Variants in RIC1 observed in about 807,000 individuals in gnomAD.
The protein encoded by RIC1 is guanine nucleotide exchange factor subunit RIC1.
A neutral mutation model predicts 169.0 loss-of-function variants in RIC1; 88 were observed. That is an observed-to-expected ratio of 0.52 (90% confidence interval 0.44 to 0.62). The LOEUF is 0.62. Ranked by LOEUF, RIC1 falls within the 20% of genes least tolerant of loss-of-function variation. RIC1 has a pLI of 0.00. For missense variants in RIC1, 1,877 were observed against 1,725.5 expected (o/e 1.09, Z -1.56); for synonymous variants, 790 against 601.5 (o/e 1.31, Z -4.59).
intron 2 of RIC1, among the ~76,000 whole-genome samples, chr9:5,687,760 T>A (rs2130694747): frequency 6.6e-6 from 1 of 152,344 alleles, no homozygotes; most frequent in South Asian, 2.1e-4. Flanking sequence ...TGTTATCTTT[T>A]AAAGAAATTT....
intron 1 of RIC1, among the ~76,000 whole-genome samples, chr9:5,652,062 A>G (rs550029881): frequency 3.3e-5 from 5 of 152,078 alleles, no homozygotes; most frequent in East Asian, 1.9e-4. Context: ...ATTTTGTTCC[A>G]TTGTTTTATT....
chr9:5,698,353 C>T (rs1822026450), intron 3 of RIC1, among the ~76,000 whole-genome samples: 1 of 152,200 alleles, frequency 6.6e-6, no homozygotes, highest in African/African-American at 2.4e-5. Flanking sequence ...TTACTCCCCG[C>T]TCAGTGTCCT....
chr9:5,763,444 A>G lies in RIC1; in HGVS notation c.2417A>G (p.Asn806Ser). ...TATGATTCTTTATATACTCGGAACA[A>G]TGCTAGAGAACAGCTGGAGGTGCTC... is the stretch of plus-strand genomic sequence containing the variant. ...LLYDSLYTRNNAREQLEVLFP... is the reference protein window; with the variant it reads ...LLYDSLYTRNSAREQLEVLFP... The change falls in exon 19 of 26, where the codon AAT (asparagine) becomes AGT (serine). Residue 806 changes from asparagine to serine, a missense_variant. Coordinates refer to ENST00000414202, the MANE Select transcript of RIC1 (RefSeq NM_020829.4). The surrounding 1 kb of genome is among the most constrained non-coding windows in gnomAD (Gnocchi z 5.2). The G allele has an allele frequency of 6.2e-7, 1 of 1,614,190 alleles. No homozygotes were observed. Among genetic ancestry groups the G allele is most frequent in the Non-Finnish European group, 8.5e-7 (1 of 1,180,028 alleles).
rs903675088 is a variant in RIC1 at position 5,776,269 on chromosome 9, T to C, written c.*2023T>C. ...AAGTTTGGCAGGTTTACAGAAAATT[T>C]GGTAATTTATTTGTTATATACCTTA... On this transcript the variant is annotated 3_prime_UTR_variant, in exon 26 of 26. Transcript: ENST00000414202. 1.3e-5 allele frequency: 2 copies of C among 152,182 alleles called. No individual in the cohort carries two copies. Among genetic ancestry groups the C allele is most frequent in the Non-Finnish European group, 2.9e-5 (2 of 67,998 alleles). 9.4% of individuals were successfully genotyped at this position (152,182 alleles called of 1,614,324 possible).
chr9:5,656,552 A>T, intron 1 of RIC1, 31 bp from the exon 2 acceptor site: 1 of 1,106,996 alleles, frequency 9.0e-7, no homozygotes, highest in Non-Finnish European at 1.3e-6. Context: ...TTGATAAAAA[A>T]TACAACTTTT....
intron 12 of RIC1, 36 bp from the exon 13 acceptor site, chr9:5,753,164 A>G (rs778410791): frequency 2.5e-6 from 4 of 1,570,006 alleles, no homozygotes; most frequent in Middle Eastern, 1.7e-4. Context: ...AATATATTTC[A>G]TAAGTTTTAC....
chr9:5,638,628 T>C (rs934806929), intron 1 of RIC1, among the ~76,000 whole-genome samples: 10 of 152,234 alleles, frequency 6.6e-5, no homozygotes, highest in African/African-American at 1.9e-4. Context: ...TGGCATATAG[T>C]TGCTCATAGT....
At chr9:5,733,967 C>A (rs961213436) in intron 7 of RIC1, among the ~76,000 whole-genome samples, 1 of 148,808 alleles carries the variant, frequency 6.7e-6, no homozygotes, top group Non-Finnish European at 1.5e-5. Flanking sequence ...CTAGAATTTT[C>A]TTATTGTGGA....
chr9:5,743,695 G>T lies in RIC1; in HGVS notation c.1053G>T (p.Arg351Ser). Residue 351 changes from arginine to serine, a missense_variant, in exon 10 of 26, where the codon AGG becomes AGT. By Grantham distance (110) the Arg-to-Ser change is moderately radical (BLOSUM62 -1). Coordinates refer to ENST00000414202, the MANE Select transcript of RIC1 (RefSeq NM_020829.4). ...AGTTTCTGTTCTGTTTCAGTTATAG[G>T]TCTGATGGCACCAAAAAAGATCCCC... ...ICTLGGDFAY[R>S]SDGTKKDPLK... is the part of the protein sequence containing the mutation. 6.2e-7 allele frequency: 1 copy of T among 1,607,554 alleles called. No individual in the cohort carries two copies. The highest frequency in any genetic ancestry group is 8.5e-7 in the Non-Finnish European group (1 of 1,174,844).
intron 6 of RIC1, among the ~76,000 whole-genome samples, chr9:5,731,265 T>C (rs1824356002): frequency 6.6e-6 from 1 of 152,086 alleles, no homozygotes; most frequent in South Asian, 2.1e-4. Context: ...AAATACTTAT[T>C]GTAGGACTGA....
Position 5,753,222 on chromosome 9 carries a change from G to T in RIC1, c.1475G>T (p.Ser492Ile). 6.2e-7 allele frequency: 1 copy of T among 1,613,602 alleles called. No individual in the cohort carries two copies. Among genetic ancestry groups the T allele is most frequent in the Non-Finnish European group, 8.5e-7 (1 of 1,179,580 alleles). Reference protein sequence around the residue: ...VVQISSTYLESNWPIRFSAID... With the variant: ...VVQISSTYLEINWPIRFSAID... The stretch of plus-strand genomic sequence containing the variant: ...TAGATTTCCAGCACCTATCTAGAGA[G>T]CAATTGGCCTATACGGGTGAGTTGT... Residue 492 changes from serine (S) to isoleucine (I), a missense_variant, in exon 13 of 26, where the codon AGC becomes ATC. Coordinates refer to ENST00000414202, the MANE Select transcript of RIC1 (RefSeq NM_020829.4).
rs1043661792 is a variant in RIC1 at position 5,776,268 on chromosome 9, T to G, written c.*2022T>G. On this transcript the variant is annotated 3_prime_UTR_variant, in exon 26 of 26. Coordinates refer to ENST00000414202, the MANE Select transcript of RIC1 (RefSeq NM_020829.4). ...GAAGTTTGGCAGGTTTACAGAAAAT[T>G]TGGTAATTTATTTGTTATATACCTT... The G allele has an allele frequency of 3.9e-5, 6 of 152,140 alleles. No homozygotes were observed. Among genetic ancestry groups the G allele is most frequent in the Non-Finnish European group, 7.4e-5 (5 of 67,976 alleles). 9.4% of individuals were successfully genotyped at this position (152,140 alleles called of 1,614,324 possible).
chr9:5,664,954 C>CT (rs1340617074), intron 2 of RIC1, among the ~76,000 whole-genome samples: 1 of 152,188 alleles, frequency 6.6e-6, no homozygotes, highest in East Asian at 1.9e-4. Flanking sequence ...TTTCTGAGCT[C>CT]TAACAGGTCG....
intron 2 of RIC1, among the ~76,000 whole-genome samples, chr9:5,659,735 A>G (rs956354201): frequency 6.6e-6 from 1 of 152,162 alleles, no homozygotes; most frequent in African/African-American, 2.4e-5. Context: ...CTGCTTCATT[A>G]AATTTATTTT....
At chr9:5,720,486 G>A (rs1823519292) in intron 5 of RIC1, 128 bp from the exon 6 acceptor site, 2 of 1,174,252 alleles carry the variant, frequency 1.7e-6, no homozygotes, top group Admixed American at 4.9e-5. Flanking sequence ...GGAAAGGACA[G>A]TTTAATTATT....
At chr9:5,727,600 C>A (rs1297263222) in intron 6 of RIC1, among the ~76,000 whole-genome samples, 1 of 152,186 alleles carries the variant, frequency 6.6e-6, no homozygotes, top group Non-Finnish European at 1.5e-5. Context: ...GAGCTGCGTT[C>A]CTTTGGAGGT....
rs1398769324 is a variant in RIC1 at position 5,753,592 on chromosome 9, T to C, written c.1548T>C (p.Phe516=). 6.2e-7 allele frequency: 1 copy of C among 1,612,188 alleles called. No individual in the cohort carries two copies. The highest frequency in any genetic ancestry group is 8.5e-7 in the Non-Finnish European group (1 of 1,179,202). ...QNIAVVGKFG[F]AHYSLLTKKW... ...TTGCTGTGGTTGGCAAGTTTGGTTT[T>C]GCACATTACTCTTTACTCACCAAAA... Residue 516 remains phenylalanine, a synonymous_variant, in exon 14 of 26, where the codon TTT becomes TTC. Transcript: ENST00000414202.
chr9:5,706,320 C>T (rs1822581730), intron 3 of RIC1, among the ~76,000 whole-genome samples: 1 of 152,082 alleles, frequency 6.6e-6, no homozygotes. Flanking sequence ...GGCATGGTGG[C>T]ACATGCCTGT....
chr9:5,771,193 T>A (rs1308357970), intron 23 of RIC1, among the ~76,000 whole-genome samples: 10 of 152,220 alleles, frequency 6.6e-5, no homozygotes, highest in Non-Finnish European at 1.5e-4. Context: ...AAACTCTGTA[T>A]ATGTTACTTA....
Sources: gnomAD v4.1 joint callset for allele counts (sites outside exome capture counted in the v4.1 genomes callset) on GRCh38, gnomAD v4.1.1 for gene constraint, Gnocchi (gnomAD v3.1) non-coding constraint, MANE v1.5 for transcripts, NCBI Gene and HGNC (gene_info 2026-07-23, HGNC 2026-07-21) for gene names.